The following ZBTB45 variants were observed in gnomAD, a reference collection of about 807,000 sequenced individuals.
ZBTB45 encodes the protein zinc finger and BTB domain-containing protein 45.
ZBTB45 carries 22 observed loss-of-function variants against 28.4 expected under a neutral mutation model. The observed-to-expected ratio is 0.77, with a 90% CI of 0.55 to 1.10. The LOEUF (loss-of-function observed/expected upper bound fraction) is 1.10. Among genes scored for constraint, ZBTB45 ranks in the 50% least tolerant of loss-of-function variants. The pLI is 0.00. For missense variants in ZBTB45, 656 were observed against 750.2 expected (o/e 0.87, Z 1.47); for synonymous variants, 361 against 332.3 (o/e 1.09, Z -0.94).
At position 58,515,066 on chromosome 19, in the gene ZBTB45, T is replaced by C. The variant is rs77495025; in HGVS notation, c.1280-756A>G. 2.0e-5 allele frequency among the ~76,000 whole-genome samples: 3 copies of C among 152,180 alleles called. No homozygotes were observed. Among genetic ancestry groups the C allele is most frequent in the African/African-American group, 4.8e-5 (2 of 41,446 alleles). ...TCAGCCAGGCGTGGTGGCTCACACC[T>C]GTAATCCCAGCACTTTGGGAGGCCA... On this transcript the variant is annotated intron_variant, in intron 2 of 2. Transcript: ENST00000594051. The surrounding 1 kb of genome is among the most constrained non-coding windows in gnomAD (Gnocchi z 4.7).
chr19:58,533,364 G>A (rs1321737993), intron 1 of ZBTB45, among the ~76,000 whole-genome samples: 2 of 152,078 alleles, frequency 1.3e-5, no homozygotes, highest in Non-Finnish European at 2.9e-5. Context: ...TTCAACATAC[G>A]AATTTTAGAG....
At chr19:58,537,888 A>G (rs1045873227) in intron 1 of ZBTB45, among the ~76,000 whole-genome samples, 107 of 149,712 alleles carry the variant, frequency 7.1e-4, no homozygotes, top group Admixed American at 2.1e-3. Context: ...CCCAGGCTGG[A>G]GTGCAATGGC....
chr19:58,520,776 C>A (rs1337241752), upstream of ZBTB45, among the ~76,000 whole-genome samples: 1 of 152,180 alleles, frequency 6.6e-6, no homozygotes, highest in African/African-American at 2.4e-5. Flanking sequence ...GACCTCATGG[C>A]CCGGCGCAGT....
rs756348786 is a variant in ZBTB45, at chr19:58,516,665, C to T, written c.1009G>A (p.Gly337Ser). ...GGTGGTGCGGGTGGCCCAGGGGCAC[C>T]CAAGTGAAAGGGGAAGAGTGCAACG... The part of the protein sequence containing the change: ...PPVALFPFHL[G>S]APGPPAPPPS... Residue 337 changes from glycine to serine, a missense_variant, in exon 2 of 3, where the codon GGT (glycine) becomes AGT (serine). Physicochemically the swap from Gly to Ser is moderately conservative, Grantham distance 56. Transcript: ENST00000594051. This position sits in a 1 kb window ranked among gnomAD's most constrained non-coding sequence, Gnocchi z 6.2. 9 of 1,565,050 alleles carry T rather than the reference C, an allele frequency of 5.8e-6. No homozygotes were observed. Among genetic ancestry groups the T allele is most frequent in the South Asian group, 2.4e-5 (2 of 82,854 alleles).
intron 1 of ZBTB45, among the ~76,000 whole-genome samples, chr19:58,526,256 C>T (rs1428105834): frequency 2.0e-5 from 3 of 152,130 alleles, no homozygotes; most frequent in African/African-American, 7.2e-5. Flanking sequence ...GTTGTCCAGG[C>T]TGGAGTGCAA....
intron 1 of ZBTB45, among the ~76,000 whole-genome samples, chr19:58,533,338 C>G (rs1242065204): frequency 1.3e-5 from 2 of 152,190 alleles, no homozygotes; most frequent in Non-Finnish European, 2.9e-5. Context: ...AATATCATCA[C>G]AATGAAGATT....
upstream of ZBTB45, among the ~76,000 whole-genome samples, chr19:58,524,441 G>A (rs2090457629): frequency 7.0e-6 from 1 of 142,946 alleles, no homozygotes; most frequent in Non-Finnish European, 1.5e-5. Context: ...ATATATGTGT[G>A]TGTGTGTGTG....
chr19:58,533,853 A>C (rs895376882), intron 1 of ZBTB45, among the ~76,000 whole-genome samples: 2 of 152,322 alleles, frequency 1.3e-5, no homozygotes, highest in Admixed American at 1.3e-4. Context: ...CCTGAGCAGG[A>C]GGGAGAATGC....
At position 58,513,898 on chromosome 19, in the gene ZBTB45, T is replaced by G; in HGVS notation, c.*156A>C. The stretch of plus-strand genomic sequence containing the variant: ...ATGGAGGAGAGGAGTAAGGCGGACT[T>G]AGGCCCTGGTATGGAGAAAGGGTGA... On this transcript the variant is annotated 3_prime_UTR_variant, in exon 3 of 3. Transcript: ENST00000594051. 2.1e-6 allele frequency: 2 copies of G among 951,020 alleles called. No individual in the cohort carries two copies. Among genetic ancestry groups the G allele is most frequent in the Non-Finnish European group, 2.8e-6 (2 of 704,532 alleles). The allele number at this position is 951,020 out of a possible 1,614,324, so 58.9% of individuals were successfully genotyped here. A position where few individuals can be genotyped will look rare whatever the true frequency, so the allele number is the denominator to read the frequency against.
chr19:58,529,202 G>A (rs1207754251), intron 1 of ZBTB45, among the ~76,000 whole-genome samples: 4 of 152,154 alleles, frequency 2.6e-5, no homozygotes, highest in African/African-American at 9.7e-5. Context: ...CACTTTGGGA[G>A]GCCAAGGCAG....
At chr19:58,525,431 G>C (rs766240941) in intron 1 of ZBTB45, among the ~76,000 whole-genome samples, 14 of 152,228 alleles carry the variant, frequency 9.2e-5, no homozygotes, top group Non-Finnish European at 1.9e-4. Context: ...CCCTGGCAAG[G>C]CAAATAGCAG....
At chr19:58,524,435 A>ATGTATGTGTGTG (rs141879636), upstream of ZBTB45, among the ~76,000 whole-genome samples, 2 of 138,260 alleles carry the variant, frequency 1.4e-5, no homozygotes, top group African/African-American at 5.5e-5. Flanking sequence ...GTGTTCATAT[A>ATGTATGTGTGTG]TGTGTGTGTG....
chr19:58,524,807 T>C (rs1225774891), upstream of ZBTB45, among the ~76,000 whole-genome samples: 1 of 150,012 alleles, frequency 6.7e-6, no homozygotes, highest in Non-Finnish European at 1.5e-5. Context: ...GGCGTGAACC[T>C]GGGAGGTGGA....
At chr19:58,529,418 A>G (rs956515810) in intron 1 of ZBTB45, among the ~76,000 whole-genome samples, 17 of 152,206 alleles carry the variant, frequency 1.1e-4, no homozygotes, top group African/African-American at 4.1e-4. Flanking sequence ...ACCCTATCTC[A>G]ATAAATACAC....
chr19:58,529,943 CTG>C (rs1376669555), intron 1 of ZBTB45, among the ~76,000 whole-genome samples: 60 of 152,118 alleles, frequency 3.9e-4, no homozygotes, highest in African/African-American at 1.4e-3. Flanking sequence ...CTCATGATGC[CTG>C]TAAGACCAGC....
intron 2 of ZBTB45, 114 bp from the exon 3 acceptor site, chr19:58,514,424 C>T: frequency 1.5e-6 from 2 of 1,318,114 alleles, no homozygotes; most frequent in South Asian, 1.5e-5. Flanking sequence ...CCTCCCCTCC[C>T]GAACCACCAC....
At chr19:58,532,253 T>C (rs1355107009) in intron 1 of ZBTB45, among the ~76,000 whole-genome samples, 1 of 152,172 alleles carries the variant, frequency 6.6e-6, no homozygotes, top group East Asian at 1.9e-4. Context: ...CTCTGAAACC[T>C]GGAAGTGTTA....
chr19:58,536,357 T>A (rs2053660054), intron 1 of ZBTB45, among the ~76,000 whole-genome samples: 1 of 151,276 alleles, frequency 6.6e-6, no homozygotes, highest in South Asian at 2.1e-4. Flanking sequence ...TCCTAGCTAC[T>A]CAGGAGGCTG....
At chr19:58,530,869 G>C (rs1338039545) in intron 1 of ZBTB45, among the ~76,000 whole-genome samples, 1 of 152,064 alleles carries the variant, frequency 6.6e-6, no homozygotes, top group Non-Finnish European at 1.5e-5. Context: ...ATTTTTAGTA[G>C]AGATGGGATT....
Sources: gnomAD v4.1 joint callset for allele counts (sites outside exome capture counted in the v4.1 genomes callset) on GRCh38, gnomAD v4.1.1 for gene constraint, Gnocchi (gnomAD v3.1) non-coding constraint, MANE v1.5 for transcripts, NCBI Gene and HGNC (gene_info 2026-07-23, HGNC 2026-07-21) for gene names.